PGCKA1: variants seen among roughly 807,000 people sequenced by gnomAD.
The protein encoded by PGCKA1 is PDCD10 and GCKIII kinases associated 1.
chr4:37,497,643 AT>A, the PGCKA1 span, among the ~76,000 whole-genome samples: 1 of 151,868 alleles, frequency 6.6e-6, no homozygotes, highest in East Asian at 1.9e-4. Flanking sequence ...GATGTTGAGC[AT>A]TTTTTCATGT....
the PGCKA1 span, among the ~76,000 whole-genome samples, chr4:37,502,829 T>C: frequency 6.6e-6 from 1 of 151,978 alleles, no homozygotes; most frequent in Admixed American, 6.5e-5. Flanking sequence ...GGAGCTATGA[T>C]GCGGCACCCT....
the PGCKA1 span, among the ~76,000 whole-genome samples, chr4:37,474,008 A>G: frequency 6.6e-6 from 1 of 152,176 alleles, no homozygotes; most frequent in Admixed American, 6.5e-5. Flanking sequence ...TGATGACATC[A>G]TCAAGTGCTC....
chr4:37,490,310 A>G, the PGCKA1 span, among the ~76,000 whole-genome samples: 1 of 152,138 alleles, frequency 6.6e-6, no homozygotes, highest in Non-Finnish European at 1.5e-5. Context: ...GAACCCAGCA[A>G]TCTTAATCAA....
At chr4:37,468,584 C>A in the PGCKA1 span, among the ~76,000 whole-genome samples, 1 of 152,192 alleles carries the variant, frequency 6.6e-6, no homozygotes, top group African/African-American at 2.4e-5. Context: ...AAATGAGCTG[C>A]TATCTCTAGG....
At chr4:37,544,151 G>A in the PGCKA1 span, among the ~76,000 whole-genome samples, 1 of 152,080 alleles carries the variant, frequency 6.6e-6, no homozygotes, top group Non-Finnish European at 1.5e-5. Flanking sequence ...TTGGTAGTTT[G>A]GCCAGATTTA....
At chr4:37,483,159 T>C in the PGCKA1 span, among the ~76,000 whole-genome samples, 1 of 152,194 alleles carries the variant, frequency 6.6e-6, no homozygotes, top group African/African-American at 2.4e-5. Flanking sequence ...GGCTTCCCCC[T>C]TCACTTGGCT....
chr4:37,496,937 T>A, the PGCKA1 span, among the ~76,000 whole-genome samples: 1 of 151,518 alleles, frequency 6.6e-6, no homozygotes, highest in Non-Finnish European at 1.5e-5. Context: ...TGATTTTTTT[T>A]ATTTTATTTT....
At chr4:37,511,539 G>A in the PGCKA1 span, among the ~76,000 whole-genome samples, 1 of 151,912 alleles carries the variant, frequency 6.6e-6, no homozygotes, top group Non-Finnish European at 1.5e-5. Flanking sequence ...ACTATGACCA[G>A]TACGCTATCA....
At chr4:37,561,718 T>A in the PGCKA1 span, among the ~76,000 whole-genome samples, 14 of 152,258 alleles carry the variant, frequency 9.2e-5, no homozygotes, top group African/African-American at 3.4e-4. Context: ...AAGGAGTTAG[T>A]GAATACTGCA....
the PGCKA1 span, among the ~76,000 whole-genome samples, chr4:37,520,859 C>T: frequency 3.0e-4 from 46 of 152,214 alleles, no homozygotes; most frequent in Non-Finnish European, 4.7e-4. Context: ...CCTCGCAATC[C>T]GCCCGCCTCA....
chr4:37,454,007 CG>C, the PGCKA1 span: 1 of 156,642 alleles, frequency 6.4e-6, no homozygotes, highest in Non-Finnish European at 1.4e-5. Flanking sequence ...GCCGGGACCC[CG>C]CCGCCGCCGC....
chr4:37,505,626 G>C, the PGCKA1 span, among the ~76,000 whole-genome samples: 1 of 152,202 alleles, frequency 6.6e-6, no homozygotes, highest in Non-Finnish European at 1.5e-5. Context: ...GGGAGGCAAA[G>C]AGAGAGCTTG....
At chr4:37,589,059 A>T in the PGCKA1 span, among the ~76,000 whole-genome samples, 2 of 152,256 alleles carry the variant, frequency 1.3e-5, no homozygotes, top group African/African-American at 4.8e-5. Context: ...ATCATTTAAA[A>T]GAACATGTGC....
the PGCKA1 span, among the ~76,000 whole-genome samples, chr4:37,576,053 G>A: frequency 5.9e-5 from 9 of 151,778 alleles, no homozygotes; most frequent in South Asian, 8.3e-4. Context: ...TGTTTTTTTC[G>A]CTCAGGATGG....
the PGCKA1 span, among the ~76,000 whole-genome samples, chr4:37,556,055 C>T: frequency 3.0e-4 from 46 of 152,230 alleles, no homozygotes; most frequent in African/African-American, 1.1e-3. Context: ...CAGTCTTTCA[C>T]TACAGTTTTT....
At chr4:37,501,800 G>T in the PGCKA1 span, among the ~76,000 whole-genome samples, 1 of 152,198 alleles carries the variant, frequency 6.6e-6, no homozygotes, top group Non-Finnish European at 1.5e-5. Context: ...TGCTGGAGAG[G>T]TAATGTCATT....
chr4:37,548,413 G>A, the PGCKA1 span, among the ~76,000 whole-genome samples: 1 of 152,226 alleles, frequency 6.6e-6, no homozygotes, highest in African/African-American at 2.4e-5. Context: ...AGAAAATTCT[G>A]TGTATAAACA....
the PGCKA1 span, among the ~76,000 whole-genome samples, chr4:37,510,009 G>A: frequency 6.6e-6 from 1 of 151,618 alleles, no homozygotes; most frequent in South Asian, 2.1e-4. Context: ...GGGGGAGAGG[G>A]AGAGGGAGAG....
At chr4:37,502,375 T>C in the PGCKA1 span, among the ~76,000 whole-genome samples, 2 of 152,178 alleles carry the variant, frequency 1.3e-5, no homozygotes, top group East Asian at 3.9e-4. Flanking sequence ...CACACAGTTG[T>C]GCTGGTGGTA....
Sources: gnomAD v4.1 joint callset for allele counts (sites outside exome capture counted in the v4.1 genomes callset) on GRCh38, gnomAD v4.1.1 for gene constraint, MANE v1.5 for transcripts, NCBI Gene and HGNC (gene_info 2026-07-23, HGNC 2026-07-21) for gene names.